RGS7BP: variants seen among roughly 807,000 people sequenced by gnomAD.
The protein encoded by RGS7BP is regulator of G protein signaling 7-binding protein.
A neutral mutation model predicts 31.3 loss-of-function variants in RGS7BP; 9 were observed. The ratio of observed to expected loss-of-function variants is 0.29; its 90% CI spans 0.17 to 0.50. The LOEUF (loss-of-function observed/expected upper bound fraction) is 0.50. Among genes scored for constraint, RGS7BP ranks in the 20% least tolerant of loss-of-function variants. RGS7BP has a pLI of 0.98. For synonymous variants in RGS7BP, 115 were observed against 120.1 expected, an observed-to-expected ratio of 0.96 and a Z score of 0.28; for missense variants, 274 against 322.0, an observed-to-expected ratio of 0.85 and a Z score of 1.14.
At chr5:64,599,113 A>G (rs921354605) in intron 5 of RGS7BP, among the ~76,000 whole-genome samples, 5 of 152,210 alleles carry the variant, frequency 3.3e-5, no homozygotes, top group Non-Finnish European at 5.9e-5. Context: ...TATCCTCAGT[A>G]TCTGGAGCCT....
chr5:64,535,230 C>G (rs1749476580), intron 2 of RGS7BP, among the ~76,000 whole-genome samples: 1 of 152,138 alleles, frequency 6.6e-6, no homozygotes, highest in South Asian at 2.1e-4. Context: ...AGCTTCTGCT[C>G]TTCATGGAAA....
chr5:64,589,169 A>G (rs1419642922), intron 3 of RGS7BP, among the ~76,000 whole-genome samples: 2 of 151,914 alleles, frequency 1.3e-5, no homozygotes, highest in Non-Finnish European at 2.9e-5. Context: ...GGTGGTACAC[A>G]CCTGTAATCC....
intron 5 of RGS7BP, 123 bp downstream of exon 5, chr5:64,598,558 G>C: frequency 1.4e-6 from 1 of 715,240 alleles, no homozygotes; most frequent in Non-Finnish European, 2.5e-6. Flanking sequence ...GCATTCATTA[G>C]TCTTTCCTCA....
chr5:64,551,363 A>G (rs923044703), intron 2 of RGS7BP, among the ~76,000 whole-genome samples: 7 of 151,098 alleles, frequency 4.6e-5, no homozygotes, highest in African/African-American at 1.7e-4. Context: ...CCCCAATTCA[A>G]GCAATTCTCC....
chr5:64,569,424 A>C (rs1254366333), intron 2 of RGS7BP, among the ~76,000 whole-genome samples: 1 of 151,944 alleles, frequency 6.6e-6, no homozygotes, highest in Non-Finnish European at 1.5e-5. Flanking sequence ...AAAATGTCTT[A>C]TTTCTATTTT....
intron 2 of RGS7BP, among the ~76,000 whole-genome samples, chr5:64,575,318 AT>A: frequency 6.6e-6 from 1 of 152,326 alleles, no homozygotes; most frequent in African/African-American, 2.4e-5. Context: ...GATAAAAATA[AT>A]TTGTAAATTG....
At chr5:64,553,501 A>G (rs1741845861) in intron 2 of RGS7BP, among the ~76,000 whole-genome samples, 2 of 151,366 alleles carry the variant, frequency 1.3e-5, no homozygotes, top group South Asian at 4.2e-4. Flanking sequence ...TCTTTTCTAC[A>G]TTCTTTCTTT....
chr5:64,507,911 A>T, intron 2 of RGS7BP, 34 bp downstream of exon 2: 2 of 1,562,332 alleles, frequency 1.3e-6, no homozygotes, highest in Non-Finnish European at 1.8e-6. Flanking sequence ...TAATCCATAT[A>T]CATGATGCAT....
At chr5:64,519,619 A>G (rs1466010736) in intron 2 of RGS7BP, among the ~76,000 whole-genome samples, 1 of 152,198 alleles carries the variant, frequency 6.6e-6, no homozygotes, top group African/African-American at 2.4e-5. Context: ...GGTAAGCCTC[A>G]GGAGACACTA....
chr5:64,575,003 TA>T (rs1435999653), intron 2 of RGS7BP, among the ~76,000 whole-genome samples: 1 of 152,136 alleles, frequency 6.6e-6, no homozygotes, highest in Non-Finnish European at 1.5e-5. Flanking sequence ...TAGTTGCATA[TA>T]AAATAAAGTA....
intron 2 of RGS7BP, among the ~76,000 whole-genome samples, chr5:64,522,917 A>G (rs1749143927): frequency 6.6e-6 from 1 of 152,216 alleles, no homozygotes; most frequent in Admixed American, 6.5e-5. Flanking sequence ...TGTCAGCATT[A>G]TAAAGGCATT....
At chr5:64,575,526 T>G in intron 2 of RGS7BP, 1 of 246,310 alleles carries the variant, frequency 4.1e-6, no homozygotes, top group South Asian at 1.5e-4. Flanking sequence ...TGTAAAGCAT[T>G]TATGATTTTA....
At chr5:64,512,749 T>C (rs1561318227) in intron 2 of RGS7BP, among the ~76,000 whole-genome samples, 1 of 152,226 alleles carries the variant, frequency 6.6e-6, no homozygotes, top group East Asian at 1.9e-4. Context: ...TGGTTTCTTA[T>C]ATTACATTCT....
intron 2 of RGS7BP, among the ~76,000 whole-genome samples, chr5:64,543,427 A>G (rs1256696345): frequency 6.6e-6 from 1 of 152,252 alleles, no homozygotes; most frequent in Admixed American, 6.5e-5. Context: ...GCATAAGGGT[A>G]ACTTTCACAA....
intron 2 of RGS7BP, among the ~76,000 whole-genome samples, chr5:64,508,138 C>A (rs1186901708): frequency 6.6e-6 from 1 of 152,186 alleles, no homozygotes; most frequent in Admixed American, 6.5e-5. Flanking sequence ...ACTCTGGCCA[C>A]ATTCTGGAAT....
At chr5:64,558,648 G>C (rs1561334217) in intron 2 of RGS7BP, among the ~76,000 whole-genome samples, 1 of 152,120 alleles carries the variant, frequency 6.6e-6, no homozygotes. Context: ...CAGGGAACAA[G>C]GGAGATAACC....
intron 3 of RGS7BP, among the ~76,000 whole-genome samples, chr5:64,580,559 G>C (rs1200298594): frequency 6.6e-6 from 1 of 151,424 alleles, no homozygotes; most frequent in Non-Finnish European, 1.5e-5. Context: ...CCCCAGAACT[G>C]ATATAAATCC....
At chr5:64,533,633 C>A (rs1477677704) in intron 2 of RGS7BP, among the ~76,000 whole-genome samples, 1 of 152,194 alleles carries the variant, frequency 6.6e-6, no homozygotes, top group Non-Finnish European at 1.5e-5. Flanking sequence ...AAGATCATCA[C>A]CTCATATTTT....
intron 2 of RGS7BP, among the ~76,000 whole-genome samples, chr5:64,555,074 A>G (rs1741889035): frequency 6.6e-6 from 1 of 152,134 alleles, no homozygotes. Context: ...CATATTTCTA[A>G]TAAGAGTTTC....
Sources: allele counts gnomAD v4.1 joint callset (sites outside exome capture counted in the v4.1 genomes callset), GRCh38; gene constraint gnomAD v4.1.1; transcripts MANE v1.5; gene names NCBI Gene and HGNC (gene_info 2026-07-23, HGNC 2026-07-21).